The following FGD3 variants were observed in gnomAD, a reference collection of about 807,000 sequenced individuals.
FGD3 encodes the protein FYVE, RhoGEF and PH domain-containing protein 3.
Under a neutral mutation model 71.8 loss-of-function variants are expected in FGD3, and 45 were observed. The observed-to-expected ratio is 0.63, with a 90% CI of 0.49 to 0.80. The LOEUF (loss-of-function observed/expected upper bound fraction) is 0.80, where lower values mean the gene tolerates loss of function less well. FGD3 is among the 30% of genes least tolerant of loss of function. FGD3 has a pLI of 0.00. For synonymous variants in FGD3, 378 were observed against 392.8 expected, an observed-to-expected ratio of 0.96 and a Z score of 0.44; for missense variants, 844 against 951.5, an observed-to-expected ratio of 0.89 and a Z score of 1.49.
chr9:93,032,935 C>T lies in FGD3; in HGVS notation c.1785+62C>T, dbSNP rs527856275. ...GCGGCAGAGCCTCCAGACACCTGCT[C>T]CTGTGCCCCAGCAGCTCCAGCTGCC... On this transcript the variant is annotated intron_variant, in intron 16 of 17. Transcript: ENST00000375482. 6.1e-4 allele frequency: 884 copies of T among 1,449,986 alleles called. 1 individual carries two copies. Among genetic ancestry groups the T allele is most frequent in the Non-Finnish European group, 7.3e-4 (757 of 1,030,812 alleles). The allele number at this position is 1,449,986 out of a possible 1,614,324, so 89.8% of individuals were successfully genotyped here.
intron 10 of FGD3, among the ~76,000 whole-genome samples, chr9:93,017,908 G>A (rs555451975): frequency 1.3e-5 from 2 of 152,128 alleles, no homozygotes; most frequent in African/African-American, 2.4e-5. Context: ...GAAGATGAGC[G>A]GTCATAGCTG....
At chr9:93,023,627 C>T (rs1049589959) in intron 14 of FGD3, among the ~76,000 whole-genome samples, 6 of 152,060 alleles carry the variant, frequency 3.9e-5, no homozygotes, top group Admixed American at 3.3e-4. Context: ...TGGCCTCACC[C>T]AGCTTCCTGG....
intron 1 of FGD3, among the ~76,000 whole-genome samples, chr9:92,950,965 GC>G (rs1213315344): frequency 9.9e-5 from 15 of 152,128 alleles, no homozygotes; most frequent in Non-Finnish European, 1.3e-4. Context: ...GCTGCCCCTG[GC>G]CTGCTTGGGC....
In FGD3 at chr9:93,002,956, C is replaced by T. The variant is rs1255938372; in HGVS notation, c.485C>T (p.Ala162Val). The T allele has an allele frequency of 6.2e-7, 1 of 1,614,080 alleles. No individual in the cohort carries two copies. The change falls in exon 4 of 18, where the codon GCC becomes GTC. Residue 162 changes from alanine (A) to valine (V), a missense_variant. Transcript: ENST00000375482. ...GGCCCCCAGAAGCTTCTCCACATTG[C>T]CCAGGAGCTCCTGCACACCGAGGAG... ...HSGPQKLLHI[A>V]QELLHTEETY... is the part of the protein sequence containing the mutation.
intron 3 of FGD3, among the ~76,000 whole-genome samples, chr9:92,990,561 A>G (rs972695397): frequency 6.6e-6 from 1 of 152,352 alleles, no homozygotes; most frequent in East Asian, 1.9e-4. Context: ...TGGGTTTCTC[A>G]CATATGGGCT....
chr9:92,950,342 G>A (rs559131870), intron 1 of FGD3, among the ~76,000 whole-genome samples: 13 of 151,960 alleles, frequency 8.6e-5, no homozygotes, highest in South Asian at 2.1e-4. Context: ...GCTTGAACCC[G>A]GGAGGCAGAG....
At chr9:93,032,695 T>C (rs1862401188) in intron 15 of FGD3, 74 bp from the exon 16 acceptor site, 2 of 1,393,798 alleles carry the variant, frequency 1.4e-6, no homozygotes, top group South Asian at 2.4e-5. Flanking sequence ...CCGCCCACTC[T>C]ACCTCCTCTG....
rs147959492 is a variant in FGD3, at chr9:92,954,982, A to G, written c.-218+7253A>G. Among the ~76,000 whole-genome samples, 411 of 152,266 alleles carry G rather than the reference A, an allele frequency of 2.7e-3. 1 individual carries two copies. Among genetic ancestry groups the G allele is most frequent in the Non-Finnish European group, 4.7e-3 (323 of 68,020 alleles). On this transcript the variant is annotated intron_variant, in intron 1 of 17. Coordinates refer to ENST00000375482, the MANE Select transcript of FGD3 (RefSeq NM_001083536.2). ...GGTCTGCCTGGAGAGTGATGGCGATATGGTGTCTATGTGTCCGAGAGCCAG... is the reference window on the plus strand; with the variant it reads ...GGTCTGCCTGGAGAGTGATGGCGATGTGGTGTCTATGTGTCCGAGAGCCAG...
Position 92,976,721 on chromosome 9 carries a change from C to G in FGD3, c.453+12C>G. 8 of 1,551,942 alleles carry G rather than the reference C, an allele frequency of 5.2e-6. No individual in the cohort carries two copies. Among genetic ancestry groups the G allele is most frequent in the Non-Finnish European group, 7.0e-6 (8 of 1,148,796 alleles). Reference sequence around the variant, plus strand: ...CCGGCCTGGCCCAGGTAGGCTTCCCCTTCTCTGTCCCCGCTGCGGGCTGCA... The same window carrying G: ...CCGGCCTGGCCCAGGTAGGCTTCCCGTTCTCTGTCCCCGCTGCGGGCTGCA... On this transcript the variant is annotated intron_variant, in intron 3 of 17. Coordinates refer to ENST00000375482, the MANE Select transcript of FGD3 (RefSeq NM_001083536.2).
intron 3 of FGD3, among the ~76,000 whole-genome samples, chr9:92,986,985 T>C (rs907843842): frequency 6.6e-6 from 1 of 152,190 alleles, no homozygotes; most frequent in African/African-American, 2.4e-5. Flanking sequence ...AGTGTGTGTT[T>C]AAGAAGTCAA....
At chr9:92,974,374 T>C (rs1367577448) in intron 1 of FGD3, 2 of 152,264 alleles carry the variant, frequency 1.3e-5, no homozygotes, top group African/African-American at 4.8e-5. Flanking sequence ...TTGCCCCCCA[T>C]TGAACTCGTT....
At chr9:93,029,817 TG>T in intron 14 of FGD3, 56 bp from the exon 15 acceptor site, 1 of 1,577,818 alleles carries the variant, frequency 6.3e-7, no homozygotes, top group Non-Finnish European at 8.6e-7. Context: ...CACTGCCGTG[TG>T]GGGTAGGGTG....
Position 93,003,183 on chromosome 9 carries a change from C to T in FGD3, c.543+169C>T, listed in dbSNP as rs1276416024. Among the ~76,000 whole-genome samples, 1 of 151,822 alleles carries T rather than the reference C, an allele frequency of 6.6e-6. No individual in the cohort carries two copies. Among genetic ancestry groups the T allele is most frequent in the African/African-American group, 2.4e-5 (1 of 41,292 alleles). On this transcript the variant is annotated intron_variant, in intron 4 of 17. Transcript: ENST00000375482. The surrounding 1 kb of genome is among the most constrained non-coding windows in gnomAD (Gnocchi z 4.1). The stretch of plus-strand genomic sequence containing the variant: ...TCACTCTGTCACCCAAGCTGGAGTG[C>T]AGTGGCGCGATCTTGGCTCACTGCA...
intron 1 of FGD3, among the ~76,000 whole-genome samples, chr9:92,965,256 T>A (rs149946696): frequency 5.8e-4 from 88 of 152,298 alleles, no homozygotes; most frequent in Non-Finnish European, 1.1e-3. Flanking sequence ...GGGCTGGACG[T>A]GCTTAGCAGG....
At chr9:92,951,784 T>C (rs561608206) in intron 1 of FGD3, among the ~76,000 whole-genome samples, 103 of 152,338 alleles carry the variant, frequency 6.8e-4, no homozygotes, top group South Asian at 6.0e-3. Flanking sequence ...GAAGGATTCA[T>C]GTAGCTGCGG....
At position 93,026,575 on chromosome 9, in the gene FGD3, T is replaced by C. The variant is rs149548894; in HGVS notation, c.1558-3299T>C. ...ACCCCAAGTGCTCAGCTCAGTTCCA[T>C]AGCTGGGAAGATTTGCCAGATAAAG... On this transcript the variant is annotated intron_variant, in intron 14 of 17. Transcript: ENST00000375482. 6.0e-3 allele frequency among the ~76,000 whole-genome samples: 909 copies of C among 152,278 alleles called. 11 individuals are homozygous for C. Among genetic ancestry groups the C allele is most frequent in the African/African-American group, 0.021 (863 of 41,560 alleles).
chr9:93,035,840 G>C lies in FGD3; in HGVS notation c.*251G>C, dbSNP rs548109783. On this transcript the variant is annotated 3_prime_UTR_variant, in exon 18 of 18. Coordinates refer to ENST00000375482, the MANE Select transcript of FGD3 (RefSeq NM_001083536.2). Reference sequence around the variant, plus strand: ...AGCAGTGTGGCCCAGAGCAGGGGCCGACTGCCAAAGTAACCATCATCCATA... The same window carrying C: ...AGCAGTGTGGCCCAGAGCAGGGGCCCACTGCCAAAGTAACCATCATCCATA... 2 of 496,014 alleles carry C rather than the reference G, an allele frequency of 4.0e-6. No homozygotes were observed. Among genetic ancestry groups the C allele is most frequent in the Non-Finnish European group, 7.0e-6 (2 of 286,076 alleles). The allele number at this position is 496,014 out of a possible 1,614,324, so 30.7% of individuals were successfully genotyped here.
intron 3 of FGD3, among the ~76,000 whole-genome samples, chr9:92,986,995 A>G (rs948814399): frequency 6.6e-6 from 1 of 152,268 alleles, no homozygotes; most frequent in Non-Finnish European, 1.5e-5. Context: ...TAAGAAGTCA[A>G]GTGACATACA....
At chr9:92,980,560 AT>A (rs570896030) in intron 3 of FGD3, among the ~76,000 whole-genome samples, 6,308 of 144,990 alleles carry the variant, frequency 0.044, 394 homozygotes, top group African/African-American at 0.14. Context: ...TTGATTCAAG[AT>A]TTTTTTTTTT....
Sources: allele counts gnomAD v4.1 joint callset (sites outside exome capture counted in the v4.1 genomes callset), GRCh38; gene constraint gnomAD v4.1.1; non-coding constraint Gnocchi (gnomAD v3.1); transcripts MANE v1.5; gene names NCBI Gene and HGNC (gene_info 2026-07-23, HGNC 2026-07-21).